The following NRCAM variants were observed in gnomAD, a reference collection of about 807,000 sequenced individuals.
NRCAM encodes neuronal cell adhesion molecule.
Under a neutral mutation model 156.5 loss-of-function variants are expected in NRCAM, and 83 were observed. That is an observed-to-expected ratio of 0.53 (90% CI 0.44 to 0.64). The LOEUF is 0.64. NRCAM is among the 30% of genes least tolerant of loss of function. The pLI, the probability that NRCAM is intolerant of heterozygous loss-of-function variation, is 0.00. For synonymous variants in NRCAM, 538 were observed against 563.9 expected (o/e 0.95, Z 0.65); for missense variants, 1,417 against 1,597.3 (o/e 0.89, Z 1.92).
intron 2 of NRCAM, among the ~76,000 whole-genome samples, chr7:108,338,443 G>A (rs1337768930): frequency 6.6e-6 from 1 of 152,164 alleles, no homozygotes; most frequent in African/African-American, 2.4e-5. Flanking sequence ...TGTCCCTGAT[G>A]TCCCTACCGA....
At chr7:108,184,378 T>C (rs1476868437) in intron 21 of NRCAM, 39 bp downstream of exon 21, 3 of 1,613,526 alleles carry the variant, frequency 1.9e-6, no homozygotes, top group Non-Finnish European at 2.5e-6. Context: ...ACTTTTTTAT[T>C]ATATTTCGTA....
At chr7:108,200,728 A>G (rs548673086) in intron 13 of NRCAM, among the ~76,000 whole-genome samples, 1 of 137,322 alleles carries the variant, frequency 7.3e-6, no homozygotes, top group African/African-American at 2.8e-5. Flanking sequence ...CAATGAGTGG[A>G]TAAAGAAATA....
intron 11 of NRCAM, among the ~76,000 whole-genome samples, chr7:108,210,493 G>A (rs954224181): frequency 3.9e-5 from 6 of 152,160 alleles, no homozygotes; most frequent in African/African-American, 4.8e-5. Context: ...TGATCCACCC[G>A]CCTCAGCCTC....
intron 2 of NRCAM, among the ~76,000 whole-genome samples, chr7:108,393,006 G>A (rs1054003148): frequency 2.0e-5 from 3 of 152,106 alleles, no homozygotes; most frequent in South Asian, 2.1e-4. Context: ...TAGGCTACTC[G>A]GAGGTCAGGG....
intron 2 of NRCAM, among the ~76,000 whole-genome samples, chr7:108,331,710 T>A (rs1176701804): frequency 6.6e-6 from 1 of 152,170 alleles, no homozygotes; most frequent in Non-Finnish European, 1.5e-5. Flanking sequence ...GATGTGTAGA[T>A]GATTCTTTCA....
chr7:108,185,381 A>G (rs908797129), intron 20 of NRCAM, among the ~76,000 whole-genome samples: 4 of 152,184 alleles, frequency 2.6e-5, no homozygotes, highest in Admixed American at 6.6e-5. Flanking sequence ...ACATCCATCA[A>G]CAGGACACTG....
rs182514114 is a variant in NRCAM, at chr7:108,323,823, A to G, written c.-173-11092T>C. Among the ~76,000 whole-genome samples the G allele has an allele frequency of 3.0e-3, 459 of 152,230 alleles. 2 individuals carry two copies. The highest frequency in any genetic ancestry group is 0.01 in the Middle Eastern group (3 of 294). On this transcript the variant is annotated intron_variant, in intron 2 of 32. Transcript: ENST00000379028. ...AAAGAGGGGCTGCAATTTTAAGTAC[A>G]ATGGTCAGGGAAAAACCTTCTTGGA...
intron 26 of NRCAM, among the ~76,000 whole-genome samples, chr7:108,177,390 G>A (rs2060982415): frequency 1.3e-5 from 2 of 152,226 alleles, no homozygotes; most frequent in South Asian, 4.2e-4. Flanking sequence ...TTGGGAGGCT[G>A]AGGTGGGCAG....
chr7:108,164,685 T>C (rs1291552396), intron 30 of NRCAM, among the ~76,000 whole-genome samples: 1 of 152,124 alleles, frequency 6.6e-6, no homozygotes, highest in Non-Finnish European at 1.5e-5. Context: ...GGCAGCGTAA[T>C]GGTAAACTGA....
intron 32 of NRCAM, among the ~76,000 whole-genome samples, chr7:108,157,589 T>C (rs2046298768): frequency 6.6e-6 from 1 of 152,048 alleles, no homozygotes. Context: ...ATCCAGGGGG[T>C]ACATGTGCAA....
intron 3 of NRCAM, among the ~76,000 whole-genome samples, chr7:108,287,070 C>T (rs2098126075): frequency 6.6e-6 from 1 of 151,886 alleles, no homozygotes; most frequent in Non-Finnish European, 1.5e-5. Flanking sequence ...TCATACTGGA[C>T]CCCTATTTCT....
intron 2 of NRCAM, among the ~76,000 whole-genome samples, chr7:108,340,370 C>G (rs1276623464): frequency 6.8e-6 from 1 of 147,798 alleles, no homozygotes; most frequent in Non-Finnish European, 1.5e-5. Flanking sequence ...CTCAGATAAC[C>G]CTGATGGCTA....
chr7:108,226,170 T>G, intron 9 of NRCAM, 38 bp downstream of exon 9: 1 of 1,449,296 alleles, frequency 6.9e-7, no homozygotes, highest in Non-Finnish European at 9.4e-7. Context: ...TATTTGTAAA[T>G]GTCATTGAAG....
intron 2 of NRCAM, among the ~76,000 whole-genome samples, chr7:108,395,969 T>C (rs1383649583): frequency 1.3e-5 from 2 of 152,190 alleles, no homozygotes; most frequent in Admixed American, 1.3e-4. Flanking sequence ...TCCCTGCTCA[T>C]ACGGTTGTTC....
chr7:108,308,422 C>T (rs564461404), intron 3 of NRCAM, among the ~76,000 whole-genome samples: 7 of 152,328 alleles, frequency 4.6e-5, no homozygotes, highest in Admixed American at 3.9e-4. Context: ...AAAGGTCACG[C>T]ATTAGCCCTT....
intron 1 of NRCAM, among the ~76,000 whole-genome samples, chr7:108,446,119 T>C (rs17338462): frequency 0.25 from 37,478 of 152,086 alleles, 4,937 homozygotes; most frequent in Non-Finnish European, 0.29. Flanking sequence ...CGTGCAAATC[T>C]GGAATCATCT....
At chr7:108,241,404 C>T (rs896070228) in intron 3 of NRCAM, among the ~76,000 whole-genome samples, 5 of 152,152 alleles carry the variant, frequency 3.3e-5, no homozygotes, top group African/African-American at 1.2e-4. Flanking sequence ...TTAATCATGT[C>T]CTCTCATTCA....
chr7:108,322,421 T>TTATC (rs1236017030), intron 2 of NRCAM, among the ~76,000 whole-genome samples: 15 of 152,342 alleles, frequency 9.8e-5, no homozygotes, highest in Non-Finnish European at 1.2e-4. Flanking sequence ...TCTGTGATGT[T>TTATC]TATCCCACGT....
intron 2 of NRCAM, among the ~76,000 whole-genome samples, chr7:108,319,264 T>A (rs1231882608): frequency 6.6e-6 from 1 of 152,218 alleles, no homozygotes; most frequent in Non-Finnish European, 1.5e-5. Context: ...AATTCCTCCA[T>A]TAATACTTTC....
Sources: gnomAD v4.1 joint callset for allele counts (sites outside exome capture counted in the v4.1 genomes callset) on GRCh38, gnomAD v4.1.1 for gene constraint, MANE v1.5 for transcripts, NCBI Gene and HGNC (gene_info 2026-07-23, HGNC 2026-07-21) for gene names.